SDK1: variants seen among roughly 807,000 people sequenced by gnomAD.
The protein encoded by SDK1 is protein sidekick-1.
A neutral mutation model predicts 245.5 loss-of-function variants in SDK1; 157 were observed. The observed-to-expected ratio is 0.64, with a 90% CI of 0.56 to 0.73. The LOEUF (loss-of-function observed/expected upper bound fraction) is 0.73. Among genes scored for constraint, SDK1 ranks in the 30% least tolerant of loss-of-function variants. The pLI, the probability that SDK1 is intolerant of heterozygous loss-of-function variation, is 0.00. For synonymous variants in SDK1, 1,647 were observed against 1,278.5 expected (o/e 1.29, Z -6.15); for missense variants, 3,583 against 3,002.3 (o/e 1.19, Z -4.52).
At position 4,012,549 on chromosome 7, in the gene SDK1, C is replaced by CTTTTTTTTTTTTTTTT. The variant is rs777199429; in HGVS notation, c.2420+342_2420+357dup. On this transcript the variant is annotated intron_variant, in intron 16 of 44. Transcript: ENST00000404826. The stretch of plus-strand genomic sequence containing the variant: ...GCAAGGTATATTGTTCAATGTGAAG[C>CTTTTTTTTTTTTTTTT]TTTTTTTTTTTTTTTTTTTTTTTTT... Among the ~76,000 whole-genome samples the CTTTTTTTTTTTTTTTT allele has an allele frequency of 5.8e-4, 15 of 25,988 alleles. 3 individuals are homozygous for CTTTTTTTTTTTTTTTT. The highest frequency in any genetic ancestry group is 1.2e-3 in the Admixed American group (2 of 1,620). 17.0% of individuals were successfully genotyped at this position (25,988 alleles called of 152,430 possible).
chr7:3,450,123 T>G (rs182371481), intron 1 of SDK1, among the ~76,000 whole-genome samples: 11 of 152,218 alleles, frequency 7.2e-5, no homozygotes, highest in African/African-American at 2.4e-4. Context: ...TGAAGAAAAA[T>G]GGAAATGTGT....
chr7:3,567,121 G>A (rs1195053697), intron 1 of SDK1, among the ~76,000 whole-genome samples: 1 of 152,200 alleles, frequency 6.6e-6, no homozygotes, highest in Admixed American at 6.5e-5. Context: ...ATTAAGGCAA[G>A]CTGCCCTTGT....
intron 1 of SDK1, among the ~76,000 whole-genome samples, chr7:3,330,569 G>T (rs4506106): frequency 1.3e-5 from 2 of 151,850 alleles, no homozygotes; most frequent in Non-Finnish European, 2.9e-5. Context: ...CATGTGATGC[G>T]TCTTGCCATG....
At chr7:4,008,267 A>G (rs1203298563) in intron 14 of SDK1, among the ~76,000 whole-genome samples, 2 of 152,232 alleles carry the variant, frequency 1.3e-5, no homozygotes, top group Non-Finnish European at 2.9e-5. Flanking sequence ...GACAGATCGT[A>G]TTTGTTTACC....
intron 17 of SDK1, among the ~76,000 whole-genome samples, chr7:4,036,067 A>C (rs1788190248): frequency 6.6e-6 from 1 of 152,206 alleles, no homozygotes; most frequent in African/African-American, 2.4e-5. Context: ...ACCGGATTTT[A>C]TTCTTGTGAT....
At chr7:3,823,847 T>C (rs376275015) in intron 5 of SDK1, among the ~76,000 whole-genome samples, 58 of 152,286 alleles carry the variant, frequency 3.8e-4, no homozygotes, top group African/African-American at 1.3e-3. Context: ...AGTAAGGAGA[T>C]TGAGGAAACT....
chr7:3,474,157 C>T (rs1224818347), intron 1 of SDK1, among the ~76,000 whole-genome samples: 6 of 122,478 alleles, frequency 4.9e-5, no homozygotes, highest in African/African-American at 9.5e-5. Context: ...GGCTGGGGCG[C>T]GGTGGCTCAA....
chr7:3,590,056 A>G (rs184716024), intron 1 of SDK1, among the ~76,000 whole-genome samples: 17 of 152,310 alleles, frequency 1.1e-4, no homozygotes, highest in Admixed American at 5.9e-4. Context: ...TAGTTTTCCT[A>G]TTAGTGTAAA....
At chr7:3,837,610 T>C (rs546527237) in intron 5 of SDK1, among the ~76,000 whole-genome samples, 1 of 152,346 alleles carries the variant, frequency 6.6e-6, no homozygotes, top group South Asian at 2.1e-4. Flanking sequence ...TGTTTCTGAA[T>C]CTTGGCCTGT....
Position 3,459,813 on chromosome 7 carries a change from C to T in SDK1, c.298+157929C>T, listed in dbSNP as rs1292482421. Among the ~76,000 whole-genome samples the T allele has an allele frequency of 4.6e-5, 7 of 152,118 alleles. No homozygotes were observed. The East Asian group carries it at 1.3e-3, about 29-fold the overall frequency. Reference sequence around the variant, plus strand: ...GGGGTAGGGGCCTTCCCTTCCTCTCCAGTACTGTTTGAACTGATTGGGATT... The same window carrying T: ...GGGGTAGGGGCCTTCCCTTCCTCTCTAGTACTGTTTGAACTGATTGGGATT... On this transcript the variant is annotated intron_variant, in intron 1 of 44. Transcript: ENST00000404826.
intron 5 of SDK1, among the ~76,000 whole-genome samples, chr7:3,920,054 G>C (rs867085489): frequency 9.8e-4 from 149 of 152,302 alleles, no homozygotes; most frequent in African/African-American, 3.4e-3. Flanking sequence ...CTGGGGGAGA[G>C]GGCAGCACAG....
At chr7:4,157,276 G>A (rs996673613) in intron 30 of SDK1, among the ~76,000 whole-genome samples, 7 of 151,254 alleles carry the variant, frequency 4.6e-5, no homozygotes, top group Admixed American at 6.6e-5. Flanking sequence ...AAGGAAGAAT[G>A]AAGGAGGGGA....
Position 4,011,014 on chromosome 7 carries a change from G to A in SDK1, c.2180G>A (p.Gly727Asp), listed in dbSNP as rs1182250214. 6.2e-7 allele frequency: 1 copy of A among 1,614,092 alleles called. No individual in the cohort carries two copies. Among genetic ancestry groups the A allele is most frequent in the East Asian group, 2.2e-5 (1 of 44,884 alleles). ...HLSNVGPEMTGVTVSGLTPAR... is the reference protein window; with the variant it reads ...HLSNVGPEMTDVTVSGLTPAR... ...TCAAACGTTGGCCCTGAGATGACAG[G>A]CGTCACCGTGAGTGGCCTGACTCCG... is the stretch of plus-strand genomic sequence containing the variant. Residue 727 changes from glycine (G) to aspartate (D), a missense_variant, in exon 15 of 45, where the codon GGC (glycine) becomes GAC (aspartate). Physicochemically the swap from Gly to Asp is moderately conservative, Grantham distance 94. Coordinates refer to ENST00000404826, the MANE Select transcript of SDK1 (RefSeq NM_152744.4).
chr7:3,612,820 C>T (rs553577130), intron 1 of SDK1, among the ~76,000 whole-genome samples: 11 of 152,146 alleles, frequency 7.2e-5, no homozygotes, highest in Non-Finnish European at 1.3e-4. Flanking sequence ...TGGACTCGCA[C>T]CTGATTGACG....
rs774311782 is a variant in SDK1, at chr7:3,950,924, A to C, written c.849A>C (p.Arg283Ser). The C allele has an allele frequency of 1.9e-6, 3 of 1,610,948 alleles. No homozygotes were observed. The East Asian group carries it at 6.7e-5, about 36-fold the overall frequency. Reference protein sequence around the residue: ...TSPFIHLSIARDVGTPETMAP... With the variant: ...TSPFIHLSIASDVGTPETMAP... The stretch of plus-strand genomic sequence containing the variant: ...ACATTTCTCTTTTCTCTGCCACAGG[A>C]GATGTTGGCACACCTGAAACCATGG... Residue 283 changes from arginine to serine, a missense_variant and splice_region_variant, in exon 6 of 45, where the codon AGA (arginine) becomes AGC (serine). Arg to Ser is a moderately radical substitution (Grantham distance 110). Transcript: ENST00000404826.
chr7:4,100,144 T>A (rs1173300068), intron 22 of SDK1, among the ~76,000 whole-genome samples: 2 of 152,168 alleles, frequency 1.3e-5, no homozygotes, highest in African/African-American at 4.8e-5. Context: ...TAGCAGGGAA[T>A]CACCCAACAT....
intron 5 of SDK1, among the ~76,000 whole-genome samples, chr7:3,828,111 A>G (rs969160688): frequency 6.6e-6 from 1 of 152,048 alleles, no homozygotes; most frequent in Non-Finnish European, 1.5e-5. Flanking sequence ...CTCCATCTCT[A>G]TTAAAAATAC....
chr7:3,619,346 CTAATGCATTCAAGATTAAAGGAATAGATT>C (rs1562607155), intron 2 of SDK1, 107 bp downstream of exon 2: 2 of 873,612 alleles, frequency 2.3e-6, no homozygotes, highest in African/African-American at 3.3e-5. Context: ...GATTGAATTT[CTAATGCATTCAAGATTAAAGGAATAGATT>C]TGAATATGTA....
At chr7:3,920,327 G>C (rs528131923) in intron 5 of SDK1, among the ~76,000 whole-genome samples, 29 of 152,186 alleles carry the variant, frequency 1.9e-4, no homozygotes, top group Non-Finnish European at 4.0e-4. Context: ...CAGTCTTGCA[G>C]GTGAGATGTC....
Sources: allele counts gnomAD v4.1 joint callset (sites outside exome capture counted in the v4.1 genomes callset), GRCh38; gene constraint gnomAD v4.1.1; transcripts MANE v1.5; gene names NCBI Gene and HGNC (gene_info 2026-07-23, HGNC 2026-07-21).